Variants in CCDC178 observed in about 807,000 individuals in gnomAD.
The protein encoded by CCDC178 is coiled-coil domain containing 178.
In CCDC178, 126 loss-of-function variants were observed where a neutral mutation model predicts 117.4. That is an observed-to-expected ratio of 1.07 (90% CI 0.93 to 1.24). The LOEUF (loss-of-function observed/expected upper bound fraction) is 1.24. Among genes scored for constraint, CCDC178 ranks in the 50% most tolerant of loss-of-function variants. The probability of loss-of-function intolerance (pLI) is 0.00; values close to 1 mark genes in which losing one functional copy is unlikely to be tolerated. For synonymous variants in CCDC178, 283 were observed against 313.4 expected, an observed-to-expected ratio of 0.90 and a Z score of 1.02; for missense variants, 1,030 against 986.9, an observed-to-expected ratio of 1.04 and a Z score of -0.59.
At chr18:33,013,807 T>C (rs1379815360) in intron 21 of CCDC178, among the ~76,000 whole-genome samples, 3 of 152,204 alleles carry the variant, frequency 2.0e-5, no homozygotes, top group African/African-American at 7.2e-5. Flanking sequence ...CTTGCCAATG[T>C]TATAACCACT....
intron 21 of CCDC178, among the ~76,000 whole-genome samples, chr18:33,023,947 C>A (rs926367490): frequency 5.3e-5 from 8 of 151,942 alleles, no homozygotes; most frequent in Admixed American, 3.3e-4. Flanking sequence ...AAAAGAATGA[C>A]AAAGAAATAC....
chr18:33,135,686 G>A (rs1450098440), intron 20 of CCDC178, among the ~76,000 whole-genome samples: 2 of 152,118 alleles, frequency 1.3e-5, no homozygotes, highest in Non-Finnish European at 2.9e-5. Flanking sequence ...TTTCACCAAT[G>A]CTATTGAATG....
intron 20 of CCDC178, among the ~76,000 whole-genome samples, chr18:33,208,428 G>A (rs2059070820): frequency 6.6e-6 from 1 of 151,930 alleles, no homozygotes; most frequent in Non-Finnish European, 1.5e-5. Context: ...ACAATTTACT[G>A]TTTGTAATTT....
intron 15 of CCDC178, 32 bp downstream of exon 15, chr18:33,245,213 T>C (rs1303146085): frequency 6.8e-7 from 1 of 1,472,494 alleles, no homozygotes. Context: ...CTTTTTTTCA[T>C]CATGAGTAAG....
At chr18:33,387,816 T>C (rs749038201) in intron 5 of CCDC178, among the ~76,000 whole-genome samples, 2 of 152,088 alleles carry the variant, frequency 1.3e-5, no homozygotes, top group Non-Finnish European at 2.9e-5. Context: ...GACTTTATGA[T>C]GAAATTGCCA....
At chr18:33,109,425 T>C (rs1262183435) in intron 20 of CCDC178, among the ~76,000 whole-genome samples, 1 of 151,688 alleles carries the variant, frequency 6.6e-6, no homozygotes, top group East Asian at 1.9e-4. Context: ...GCATTTGGTA[T>C]ATGTCTTTTA....
chr18:33,296,710 C>T (rs1389537874), intron 11 of CCDC178, among the ~76,000 whole-genome samples: 2 of 152,112 alleles, frequency 1.3e-5, no homozygotes, highest in African/African-American at 4.8e-5. Flanking sequence ...ACTTGAAAAC[C>T]TACAAGGTAT....
intron 22 of CCDC178, among the ~76,000 whole-genome samples, chr18:32,942,189 G>T (rs2054253466): frequency 6.6e-6 from 1 of 152,068 alleles, no homozygotes; most frequent in South Asian, 2.1e-4. Flanking sequence ...TAAGTGATTA[G>T]GTATATTCAG....
At chr18:32,972,160 T>A (rs1039707396) in intron 22 of CCDC178, among the ~76,000 whole-genome samples, 1 of 152,134 alleles carries the variant, frequency 6.6e-6, no homozygotes, top group Admixed American at 6.5e-5. Context: ...GGGTTCTACA[T>A]TTAAATTTTC....
intron 21 of CCDC178, among the ~76,000 whole-genome samples, chr18:33,068,576 T>G (rs1203180444): frequency 2.0e-5 from 3 of 151,486 alleles, no homozygotes; most frequent in Non-Finnish European, 4.4e-5. Flanking sequence ...AACCATATAA[T>G]CATCTCAATA....
chr18:33,344,825 A>G (rs1164650774), intron 9 of CCDC178, among the ~76,000 whole-genome samples: 2 of 149,376 alleles, frequency 1.3e-5, no homozygotes, highest in African/African-American at 2.5e-5. Flanking sequence ...ACACACACAC[A>G]CACACACACA....
At chr18:33,184,235 T>C (rs2058763935) in intron 20 of CCDC178, among the ~76,000 whole-genome samples, 2 of 152,192 alleles carry the variant, frequency 1.3e-5, no homozygotes, top group African/African-American at 4.8e-5. Flanking sequence ...TCATAGTATA[T>C]AACATTAGTA....
At chr18:33,050,409 T>A (rs1007897870) in intron 21 of CCDC178, among the ~76,000 whole-genome samples, 2 of 152,302 alleles carry the variant, frequency 1.3e-5, no homozygotes, top group South Asian at 2.1e-4. Context: ...AGACATTTTT[T>A]AAAAATATCA....
At chr18:33,428,576 A>G (rs1016096613) in intron 2 of CCDC178, among the ~76,000 whole-genome samples, 1 of 151,796 alleles carries the variant, frequency 6.6e-6, no homozygotes, top group Non-Finnish European at 1.5e-5. Flanking sequence ...TACTAAAAAT[A>G]CCAAAATTAG....
chr18:33,431,483 T>C (rs941403161), intron 2 of CCDC178, among the ~76,000 whole-genome samples: 6 of 152,236 alleles, frequency 3.9e-5, no homozygotes, highest in African/African-American at 1.4e-4. Context: ...TTTTGCTTAC[T>C]CTTTGTAGTG....
At chr18:33,302,658 C>G (rs191820357) in intron 11 of CCDC178, among the ~76,000 whole-genome samples, 5 of 152,114 alleles carry the variant, frequency 3.3e-5, no homozygotes, top group Admixed American at 2.0e-4. Flanking sequence ...TATGTATACA[C>G]GACGTAATAC....
chr18:33,065,863 T>C (rs2057004986), intron 21 of CCDC178, among the ~76,000 whole-genome samples: 1 of 108,876 alleles, frequency 9.2e-6, no homozygotes, highest in Non-Finnish European at 1.8e-5. Context: ...TTCTTTTTCT[T>C]TTTTTTTTTT....
At chr18:33,319,310 C>T (rs1020773193) in intron 11 of CCDC178, among the ~76,000 whole-genome samples, 6 of 151,866 alleles carry the variant, frequency 4.0e-5, no homozygotes, top group African/African-American at 7.3e-5. Flanking sequence ...TTTCTCCTTG[C>T]GATAGTTTGC....
chr18:33,177,794 T>C (rs1454972103), intron 20 of CCDC178, among the ~76,000 whole-genome samples: 5 of 152,202 alleles, frequency 3.3e-5, no homozygotes, highest in Admixed American at 3.3e-4. Context: ...ATCTCTAGTA[T>C]CTTTTACTTT....
Sources: allele counts gnomAD v4.1 joint callset (sites outside exome capture counted in the v4.1 genomes callset), GRCh38; gene constraint gnomAD v4.1.1; transcripts MANE v1.5; gene names NCBI Gene and HGNC (gene_info 2026-07-23, HGNC 2026-07-21).